AGBL1: variants seen among roughly 807,000 people sequenced by gnomAD.
The protein encoded by AGBL1 is cytosolic carboxypeptidase 4.
AGBL1 carries 130 observed loss-of-function variants against 118.9 expected under a neutral mutation model. The ratio of observed to expected loss-of-function variants is 1.09; its 90% CI spans 0.95 to 1.26. The LOEUF is 1.26. Among genes scored for constraint, AGBL1 ranks in the 50% most tolerant of loss-of-function variants. AGBL1 has a pLI of 0.00. For missense variants in AGBL1, 1,584 were observed against 1,298.1 expected, an observed-to-expected ratio of 1.22 and a Z score of -3.38; for synonymous variants, 555 against 478.9, an observed-to-expected ratio of 1.16 and a Z score of -2.08.
intron 22 of AGBL1, among the ~76,000 whole-genome samples, chr15:86,817,714 G>A (rs2078885503): frequency 6.6e-6 from 1 of 151,828 alleles, no homozygotes; most frequent in South Asian, 2.1e-4. Flanking sequence ...GGGTTGAATT[G>A]TGGTCCTCCA....
intron 17 of AGBL1, among the ~76,000 whole-genome samples, chr15:86,376,814 C>T (rs1308928772): frequency 6.6e-6 from 1 of 152,226 alleles, no homozygotes; most frequent in Non-Finnish European, 1.5e-5. Flanking sequence ...TCAGGTAGAA[C>T]ATTCTAGGGG....
chr15:86,845,191 G>C (rs1235158814), intron 22 of AGBL1, among the ~76,000 whole-genome samples: 2 of 151,994 alleles, frequency 1.3e-5, no homozygotes, highest in Non-Finnish European at 2.9e-5. Flanking sequence ...TCTACAAAAG[G>C]TCTGTTGAGA....
At chr15:86,193,831 C>G (rs573684460) in intron 5 of AGBL1, among the ~76,000 whole-genome samples, 1 of 152,310 alleles carries the variant, frequency 6.6e-6, no homozygotes, top group East Asian at 1.9e-4. Flanking sequence ...TCTAACCAAC[C>G]TCTTGTCATA....
At chr15:86,747,870 G>T (rs1393099139) in intron 22 of AGBL1, among the ~76,000 whole-genome samples, 2 of 152,152 alleles carry the variant, frequency 1.3e-5, no homozygotes, top group East Asian at 3.9e-4. Context: ...TCTTAATCCA[G>T]TCTATCGTTG....
At chr15:86,118,283 G>A (rs1179110172) in intron 1 of AGBL1, among the ~76,000 whole-genome samples, 1 of 152,132 alleles carries the variant, frequency 6.6e-6, no homozygotes, top group East Asian at 1.9e-4. Flanking sequence ...TGGCAGAGGA[G>A]AATGAGAATA....
At chr15:86,933,959 C>T (rs1157072851) in intron 23 of AGBL1, among the ~76,000 whole-genome samples, 6 of 152,292 alleles carry the variant, frequency 3.9e-5, no homozygotes, top group Middle Eastern at 3.4e-3. Flanking sequence ...TCAATTCTTC[C>T]GTCTAAAAAT....
chr15:86,906,332 C>T (rs184043208), intron 22 of AGBL1, among the ~76,000 whole-genome samples: 4 of 152,320 alleles, frequency 2.6e-5, no homozygotes, highest in East Asian at 1.9e-4. Context: ...TGTTAATGTT[C>T]GTTCCTACTG....
chr15:86,145,842 C>A (rs1261607687), intron 3 of AGBL1, among the ~76,000 whole-genome samples: 2 of 152,140 alleles, frequency 1.3e-5, no homozygotes, highest in African/African-American at 4.8e-5. Flanking sequence ...AGCAAATCAA[C>A]AAATAACTTG....
chr15:86,255,419 G>T (rs1445216109), intron 7 of AGBL1, among the ~76,000 whole-genome samples: 1 of 152,104 alleles, frequency 6.6e-6, no homozygotes, highest in Admixed American at 6.5e-5. Context: ...ACACCTGATG[G>T]GTATGACTGG....
chr15:86,485,245 T>C (rs187021305), intron 18 of AGBL1, among the ~76,000 whole-genome samples: 50 of 152,320 alleles, frequency 3.3e-4, no homozygotes, highest in Non-Finnish European at 5.6e-4. Context: ...GAAATTCAAA[T>C]CTGCATTTTA....
downstream of AGBL1, among the ~76,000 whole-genome samples, chr15:87,030,249 G>C (rs1166548233): frequency 6.6e-6 from 1 of 151,874 alleles, no homozygotes; most frequent in East Asian, 1.9e-4. Flanking sequence ...TGTATACAAG[G>C]TTAAGAGAAG....
chr15:86,667,372 A>G (rs1282186240), intron 21 of AGBL1, among the ~76,000 whole-genome samples: 1 of 151,976 alleles, frequency 6.6e-6, no homozygotes, highest in Non-Finnish European at 1.5e-5. Flanking sequence ...ATAAATTATG[A>G]AACTTTTTCT....
At chr15:86,236,225 C>G (rs188183662) in intron 6 of AGBL1, among the ~76,000 whole-genome samples, 1 of 152,314 alleles carries the variant, frequency 6.6e-6, no homozygotes, top group East Asian at 1.9e-4. Context: ...TTTCTTAGCC[C>G]CTTCCACCAG....
At chr15:86,090,700 T>A (rs1046887857) in intron 1 of AGBL1, among the ~76,000 whole-genome samples, 4 of 152,244 alleles carry the variant, frequency 2.6e-5, no homozygotes, top group African/African-American at 4.8e-5. Context: ...ATTATATATG[T>A]CACTTTTTAA....
chr15:86,224,815 T>A (rs2078334301), intron 5 of AGBL1, 99 bp from the exon 6 acceptor site: 2 of 1,092,768 alleles, frequency 1.8e-6, no homozygotes, highest in South Asian at 2.7e-5. Flanking sequence ...TAATCATGGG[T>A]CTGTTATGGG....
At chr15:86,086,993 G>A (rs1297028304) in intron 1 of AGBL1, among the ~76,000 whole-genome samples, 1 of 152,122 alleles carries the variant, frequency 6.6e-6, no homozygotes, top group African/African-American at 2.4e-5. Context: ...TGAAGTTGTG[G>A]GATGCTAGGG....
Position 86,753,839 on chromosome 15 carries a change from C to G in AGBL1, c.3158+79403C>G, listed in dbSNP as rs975944721. On this transcript the variant is annotated intron_variant, in intron 22 of 22. Transcript: ENST00000614907. Reference sequence around the variant, plus strand: ...GAACATGTGAATCACAAGTCTGTCTCCCTTGCTTAGATGCAGGTCTCCCTC... The same window carrying G: ...GAACATGTGAATCACAAGTCTGTCTGCCTTGCTTAGATGCAGGTCTCCCTC... Among the ~76,000 whole-genome samples, 3 of 152,118 alleles carry G rather than the reference C, an allele frequency of 2.0e-5. No individual in the cohort carries two copies. In the South Asian group the frequency reaches 6.2e-4, roughly 31 times the overall value.
chr15:86,774,290 T>C (rs1254916432), intron 22 of AGBL1, among the ~76,000 whole-genome samples: 1 of 152,152 alleles, frequency 6.6e-6, no homozygotes, highest in Non-Finnish European at 1.5e-5. Flanking sequence ...AAAATCTGTA[T>C]GGCTTTTACA....
At chr15:86,295,610 T>C (rs903838280) in intron 17 of AGBL1, 30 of 446,850 alleles carry the variant, frequency 6.7e-5, no homozygotes, top group African/African-American at 5.7e-4. Context: ...GGAGAGAAAA[T>C]GAAATGAATT....
Sources: gnomAD v4.1 joint callset for allele counts (sites outside exome capture counted in the v4.1 genomes callset) on GRCh38, gnomAD v4.1.1 for gene constraint, MANE v1.5 for transcripts, NCBI Gene and HGNC (gene_info 2026-07-23, HGNC 2026-07-21) for gene names.